The following KLF7 variants were observed in gnomAD, a reference collection of about 807,000 sequenced individuals.
The protein encoded by KLF7 is Krueppel-like factor 7.
A neutral mutation model predicts 27.3 loss-of-function variants in KLF7; 2 were observed. The ratio of observed to expected loss-of-function variants is 0.07; its 90% CI spans 0.03 to 0.23. KLF7 has a LOEUF of 0.23. Among genes scored for constraint, KLF7 ranks in the 10% least tolerant of loss-of-function variants. The pLI is 1.00. For missense variants in KLF7, 221 were observed against 394.1 expected, an observed-to-expected ratio of 0.56 and a Z score of 3.72; for synonymous variants, 165 against 162.4, an observed-to-expected ratio of 1.02 and a Z score of -0.12.
chr2:207,123,743 G>A (rs1313215129), intron 2 of KLF7, 31 bp downstream of exon 2: 4 of 1,586,676 alleles, frequency 2.5e-6, no homozygotes, highest in Non-Finnish European at 3.4e-6. Flanking sequence ...GGGGAAAGAA[G>A]AAACCACGTG....
At chr2:207,149,238 C>G (rs1006807826) in intron 1 of KLF7, 2 of 1,009,974 alleles carry the variant, frequency 2.0e-6, no homozygotes, top group African/African-American at 3.3e-5. Context: ...AAAAGCAACA[C>G]CCCCACTCAG....
intron 2 of KLF7, among the ~76,000 whole-genome samples, chr2:207,110,332 A>G (rs530910600): frequency 2.6e-5 from 4 of 152,256 alleles, no homozygotes; most frequent in Non-Finnish European, 5.9e-5. Flanking sequence ...TTTTACCAAT[A>G]AAAGTTTTAT....
intron 1 of KLF7, among the ~76,000 whole-genome samples, chr2:207,153,444 G>A (rs2078299120): frequency 6.6e-6 from 1 of 152,186 alleles, no homozygotes. Context: ...ACTGCCCTGA[G>A]TCAGACATGG....
chr2:207,173,760 T>C, the KLF7 span: 1 of 152,174 alleles, frequency 6.6e-6, no homozygotes, highest in African/African-American at 2.4e-5. Context: ...TGCTGCTTCC[T>C]TCTAACTCAG....
intron 1 of KLF7, among the ~76,000 whole-genome samples, chr2:207,148,412 C>T (rs535352964): frequency 3.2e-4 from 48 of 152,220 alleles, no homozygotes; most frequent in African/African-American, 1.1e-3. Flanking sequence ...GAGGCTCCTC[C>T]CAAGCCACCA....
At chr2:207,105,460 A>G (rs1228583230) in intron 2 of KLF7, among the ~76,000 whole-genome samples, 23 of 152,238 alleles carry the variant, frequency 1.5e-4, no homozygotes, top group Admixed American at 1.5e-3. Flanking sequence ...CACCCAGCTA[A>G]TAAGTGGCTG....
Position 207,133,606 on chromosome 2 carries a change from G to A in KLF7, c.103-9202C>T, listed in dbSNP as rs534093400. ...TTCCATAAAGAGCAGTTTTCTTGAC[G>A]AGCGCTTGTGTCAGGCAGGGCCTGA... On this transcript the variant is annotated intron_variant, in intron 1 of 3. Transcript: ENST00000309446. 6.6e-5 allele frequency among the ~76,000 whole-genome samples: 10 copies of A among 152,218 alleles called. No homozygotes were observed. In the East Asian group the frequency reaches 1.4e-3, roughly 21 times the overall value.
At chr2:207,171,070 T>C (rs1211000116), upstream of KLF7, among the ~76,000 whole-genome samples, 1 of 149,894 alleles carries the variant, frequency 6.7e-6, no homozygotes, top group Non-Finnish European at 1.5e-5. Flanking sequence ...TTGAGAACAT[T>C]TGTGATTCAT....
At chr2:207,151,339 C>T (rs947062906) in intron 1 of KLF7, among the ~76,000 whole-genome samples, 2 of 151,644 alleles carry the variant, frequency 1.3e-5, no homozygotes, top group Non-Finnish European at 2.9e-5. Context: ...CCAATACTGG[C>T]TTGGGCTTAA....
At chr2:207,121,145 C>T (rs1254763946) in intron 2 of KLF7, 4 of 152,188 alleles carry the variant, frequency 2.6e-5, no homozygotes, top group African/African-American at 9.7e-5. Flanking sequence ...GCCTTATTGC[C>T]AACTTCTATG....
chr2:207,167,583 A>C (rs1339084337), upstream of KLF7, among the ~76,000 whole-genome samples: 1 of 152,252 alleles, frequency 6.6e-6, no homozygotes, highest in Non-Finnish European at 1.5e-5. Context: ...GATTGAGGAA[A>C]GCCTGATTTA....
chr2:207,137,416 C>T (rs919729556), intron 1 of KLF7, among the ~76,000 whole-genome samples: 1 of 152,218 alleles, frequency 6.6e-6, no homozygotes, highest in African/African-American at 2.4e-5. Context: ...TGGGCCCATC[C>T]TGGTATCTTT....
rs564530163 is a variant in KLF7 at position 207,134,051 on chromosome 2, G to A, written c.103-9647C>T. The A allele has an allele frequency of 4.6e-6, 7 of 1,532,022 alleles. No individual in the cohort carries two copies. The South Asian group carries it at 7.2e-5, about 16-fold the overall frequency. 94.9% of individuals were successfully genotyped at this position (1,532,022 alleles called of 1,614,324 possible). ...CACACACCCTCCTCAAACTCCCTGGGCCCCTTTACACTCACTGGCCAAGAC... is the reference window on the plus strand; with the variant it reads ...CACACACCCTCCTCAAACTCCCTGGACCCCTTTACACTCACTGGCCAAGAC... On this transcript the variant is annotated intron_variant, in intron 1 of 3. Coordinates refer to ENST00000309446, the MANE Select transcript of KLF7 (RefSeq NM_003709.4).
chr2:207,082,895 G>A (rs948552853), intron 3 of KLF7, among the ~76,000 whole-genome samples: 1 of 152,170 alleles, frequency 6.6e-6, no homozygotes, highest in African/African-American at 2.4e-5. Flanking sequence ...CCCTGTTTGT[G>A]TCCATTCCTT....
chr2:207,087,205 C>A (rs531257713), intron 3 of KLF7, among the ~76,000 whole-genome samples: 1 of 152,276 alleles, frequency 6.6e-6, no homozygotes, highest in Admixed American at 6.5e-5. Flanking sequence ...ATAAAGTACA[C>A]TTCCTCAGCC....
chr2:207,119,362 C>T (rs2077272729), intron 2 of KLF7, among the ~76,000 whole-genome samples: 1 of 152,112 alleles, frequency 6.6e-6, no homozygotes, highest in Non-Finnish European at 1.5e-5. Context: ...TTTATCTCTT[C>T]TCAGAAGTAA....
chr2:207,170,971 C>T (rs1014205561), upstream of KLF7, among the ~76,000 whole-genome samples: 2 of 151,224 alleles, frequency 1.3e-5, no homozygotes, highest in Admixed American at 1.3e-4. Context: ...TTTCATAAGA[C>T]TATAATTGCC....
At chr2:207,130,570 G>C (rs1223648367) in intron 1 of KLF7, among the ~76,000 whole-genome samples, 1 of 152,156 alleles carries the variant, frequency 6.6e-6, no homozygotes, top group African/African-American at 2.4e-5. Flanking sequence ...AGAACTTTCT[G>C]AAAAAATGAG....
At chr2:207,116,498 C>T (rs1368834288) in intron 2 of KLF7, among the ~76,000 whole-genome samples, 1 of 152,150 alleles carries the variant, frequency 6.6e-6, no homozygotes, top group Admixed American at 6.6e-5. Flanking sequence ...CATAGAAAAT[C>T]CCTGCCTACC....
Sources: allele counts gnomAD v4.1 joint callset (sites outside exome capture counted in the v4.1 genomes callset), GRCh38; gene constraint gnomAD v4.1.1; transcripts MANE v1.5; gene names NCBI Gene and HGNC (gene_info 2026-07-23, HGNC 2026-07-21).